The following CEP72 variants were observed in gnomAD, a reference collection of about 807,000 sequenced individuals.
CEP72 encodes centrosomal protein of 72 kDa.
A neutral mutation model predicts 65.7 loss-of-function variants in CEP72; 78 were observed. That is an observed-to-expected ratio of 1.19 (90% CI 0.99 to 1.43). The LOEUF is 1.43. CEP72 is among the 40% of genes most tolerant of loss of function. The pLI is 0.00. For synonymous variants in CEP72, 358 were observed against 351.7 expected (o/e 1.02, Z -0.20); for missense variants, 914 against 832.9 (o/e 1.10, Z -1.20).
intron 5 of CEP72, 49 bp downstream of exon 5, chr5:633,996 T>C: frequency 1.9e-6 from 3 of 1,572,988 alleles, no homozygotes; most frequent in Non-Finnish European, 2.6e-6. Context: ...GGCTCTGGGA[T>C]ATATATAGTC....
chr5:656,947 G>A (rs1370061241), downstream of CEP72: 3 of 151,836 alleles, frequency 2.0e-5, no homozygotes, highest in South Asian at 2.1e-4. Flanking sequence ...TCAATAATTC[G>A]CCTCAAGAAT....
At chr5:617,209 C>T (rs1032419098) in intron 1 of CEP72, among the ~76,000 whole-genome samples, 7 of 152,122 alleles carry the variant, frequency 4.6e-5, no homozygotes, top group African/African-American at 7.2e-5. Flanking sequence ...GGTTCTCTCT[C>T]GAGTGCCGAG....
chr5:648,602 G>A (rs1195722950), intron 11 of CEP72, among the ~76,000 whole-genome samples: 5 of 133,836 alleles, frequency 3.7e-5, no homozygotes, highest in African/African-American at 5.8e-5. Flanking sequence ...ACTGTGAGGC[G>A]TGGACTGTGA....
At chr5:620,303 G>T in intron 3 of CEP72, 42 bp downstream of exon 3, 2 of 1,565,196 alleles carry the variant, frequency 1.3e-6, no homozygotes, top group Non-Finnish European at 1.8e-6. Flanking sequence ...TTGTCCCCGT[G>T]GGGTATGGGA....
At chr5:675,144 T>C in the CEP72 span, among the ~76,000 whole-genome samples, 1 of 116,508 alleles carries the variant, frequency 8.6e-6, no homozygotes, top group Non-Finnish European at 1.8e-5. Flanking sequence ...GGGTGCAGTG[T>C]GGCCAGGGGT....
At chr5:639,879 C>G (rs1305408593) in intron 8 of CEP72, among the ~76,000 whole-genome samples, 1 of 152,246 alleles carries the variant, frequency 6.6e-6, no homozygotes, top group Non-Finnish European at 1.5e-5. Flanking sequence ...AGCTGTCTGA[C>G]TGCGCCTTGC....
chr5:673,349 G>A, the CEP72 span, among the ~76,000 whole-genome samples: 13 of 152,206 alleles, frequency 8.5e-5, no homozygotes, highest in African/African-American at 1.7e-4. Flanking sequence ...GGGACCCCCC[G>A]AGGGGAGTCC....
At chr5:666,013 T>C in exon 4 of CEP72, 1 of 1,591,766 alleles carries the variant, frequency 6.3e-7, no homozygotes. Flanking sequence ...GATGAGCCTG[T>C]GCACCTCGCG....
At chr5:627,505 A>G (rs1254469160) in intron 4 of CEP72, among the ~76,000 whole-genome samples, 1 of 152,142 alleles carries the variant, frequency 6.6e-6, no homozygotes, top group Non-Finnish European at 1.5e-5. Flanking sequence ...TGTCACAGTC[A>G]CTGTCTGTAC....
intron 10 of CEP72, among the ~76,000 whole-genome samples, chr5:647,516 C>G (rs575192993): frequency 3.5e-4 from 53 of 152,322 alleles, no homozygotes; most frequent in African/African-American, 1.2e-3. Flanking sequence ...GGACTGCCAG[C>G]CAGTGCCGCC....
intron 1 of CEP72, among the ~76,000 whole-genome samples, chr5:615,102 G>A (rs1735907307): frequency 1.3e-5 from 2 of 148,634 alleles, no homozygotes; most frequent in South Asian, 4.3e-4. Flanking sequence ...CCTTCTTAGT[G>A]GACTGACCCT....
At chr5:639,876 T>C (rs2126792533) in intron 8 of CEP72, among the ~76,000 whole-genome samples, 1 of 152,346 alleles carries the variant, frequency 6.6e-6, no homozygotes, top group South Asian at 2.1e-4. Context: ...CTGAGCTGTC[T>C]GACTGCGCCT....
At chr5:669,319 G>A (rs1740100052), downstream of CEP72, among the ~76,000 whole-genome samples, 1 of 138,478 alleles carries the variant, frequency 7.2e-6, no homozygotes, top group Admixed American at 7.0e-5. Context: ...TCTGTGGCGT[G>A]GGGGTCCGCG....
intron 10 of CEP72, 24 bp from the exon 11 acceptor site, chr5:647,781 C>A: frequency 7.2e-7 from 1 of 1,381,998 alleles, no homozygotes; most frequent in Non-Finnish European, 1.0e-6. Flanking sequence ...ATTAATGGTA[C>A]TTTTTTTTTT....
At chr5:643,042 G>T in intron 9 of CEP72, 1 of 985,370 alleles carries the variant, frequency 1.0e-6, no homozygotes, top group Non-Finnish European at 1.2e-6. Flanking sequence ...TGCACCTGTC[G>T]TGGCCTAGAC....
chr5:673,568 C>T, the CEP72 span, among the ~76,000 whole-genome samples: 8 of 152,320 alleles, frequency 5.3e-5, no homozygotes, highest in East Asian at 1.9e-4. Context: ...CGCCCACTCA[C>T]GGTGCCCAGC....
At chr5:657,572 A>G (rs904111751), downstream of CEP72, among the ~76,000 whole-genome samples, 1 of 152,218 alleles carries the variant, frequency 6.6e-6, no homozygotes, top group African/African-American at 2.4e-5. Flanking sequence ...AGGTTTGACT[A>G]CTGATCCAGT....
In CEP72 at chr5:665,276, T is replaced by C. The variant is rs375077697; in HGVS notation, n.384T>C. On this transcript the variant is annotated non_coding_transcript_exon_variant, in exon 3 of 5. Coordinates refer to the CEP72 transcript ENST00000514507. ...TGGTGGTGTCCGTGAGCCTCGACAC[T>C]GTGGGCGACGAGATGGCTTTCTGCA... is the stretch of plus-strand genomic sequence containing the variant. 6.2e-6 allele frequency: 10 copies of C among 1,613,128 alleles called. No homozygotes were observed. In the East Asian group the frequency reaches 2.2e-4, roughly 36 times the overall value.
intron 5 of CEP72, among the ~76,000 whole-genome samples, chr5:634,458 G>C (rs540233654): frequency 6.6e-6 from 1 of 152,216 alleles, no homozygotes; most frequent in African/African-American, 2.4e-5. Context: ...AGAACTTTTC[G>C]TGGAAACAAC....
Sources: allele counts gnomAD v4.1 joint callset (sites outside exome capture counted in the v4.1 genomes callset), GRCh38; gene constraint gnomAD v4.1.1; transcripts MANE v1.5; gene names NCBI Gene and HGNC (gene_info 2026-07-23, HGNC 2026-07-21).